The following SZT2 variants were observed in gnomAD, a reference collection of about 807,000 sequenced individuals.
The protein encoded by SZT2 is KICSTOR complex protein SZT2.
A neutral mutation model predicts 404.2 loss-of-function variants in SZT2; 216 were observed. That is an observed-to-expected ratio of 0.53 (90% CI 0.48 to 0.60). SZT2 has a LOEUF of 0.60. Ranked by LOEUF, SZT2 falls within the 20% of genes least tolerant of loss-of-function variation. The pLI is 0.00. For synonymous variants in SZT2, 1,693 were observed against 1,749.9 expected, an observed-to-expected ratio of 0.97 and a Z score of 0.81; for missense variants, 3,857 against 4,459.2, an observed-to-expected ratio of 0.86 and a Z score of 3.85.
chr1:43,397,301 C>G (rs1356441704), intron 1 of SZT2, among the ~76,000 whole-genome samples: 1 of 151,658 alleles, frequency 6.6e-6, no homozygotes, highest in African/African-American at 2.4e-5. Context: ...GTGGCACGTG[C>G]TTATAGTCCC....
intron 4 of SZT2, chr1:43,412,524 G>A (rs1477445089): frequency 6.6e-6 from 1 of 152,116 alleles, no homozygotes; most frequent in African/African-American, 2.4e-5. Flanking sequence ...GGGCTCAAGC[G>A]ATCTTCCCAT....
chr1:43,439,905 G>C lies in SZT2; in HGVS notation c.7067G>C (p.Arg2356Pro). 6.2e-7 allele frequency: 1 copy of C among 1,606,478 alleles called. No homozygotes were observed. Among genetic ancestry groups the C allele is most frequent in the East Asian group, 2.2e-5 (1 of 44,822 alleles). Reference protein sequence around the residue: ...SSAQNGAPRLRLDVWEKGNIS... With the variant: ...SSAQNGAPRLPLDVWEKGNIS... ...GCTCAGAATGGGGCCCCACGGCTTC[G>C]ATTGGATGTGTGGGAAAAGGGGAAC... The change falls in exon 51 of 72, where the codon CGA becomes CCA. Residue 2356 changes from arginine (R) to proline (P), a missense_variant. Coordinates refer to ENST00000634258, the MANE Select transcript of SZT2 (RefSeq NM_001365999.1). This position sits in a 1 kb window ranked among gnomAD's most constrained non-coding sequence, Gnocchi z 4.2.
Position 43,443,416 on chromosome 1 carries a change from T to C in SZT2, c.8564T>C (p.Leu2855Pro). The change falls in exon 61 of 72, where the codon CTC becomes CCC. Residue 2855 changes from leucine (L) to proline (P), a missense_variant. Physicochemically the swap from Leu to Pro is moderately conservative, Grantham distance 98. This residue lies in a region of SZT2 where 717 missense variants were observed against 868.2 expected (regional missense o/e 0.83). Transcript: ENST00000634258. ...RLVHYCATAM[L>P]FDPAAWLHGP... ...GTGCATTACTGTGCAACAGCCATGC[T>C]CTTCGACCCAGCTGCCTGGCTGCAT... is the stretch of plus-strand genomic sequence containing the variant. The C allele has an allele frequency of 6.2e-7, 1 of 1,614,122 alleles. No individual in the cohort carries two copies. Among genetic ancestry groups the C allele is most frequent in the African/African-American group, 1.3e-5 (1 of 75,028 alleles).
chr1:43,426,272 C>T lies in SZT2; in HGVS notation c.3044-96C>T. 13 of 1,493,544 alleles carry T rather than the reference C, an allele frequency of 8.7e-6. No individual in the cohort carries two copies. Among genetic ancestry groups the T allele is most frequent in the Non-Finnish European group, 9.9e-6 (11 of 1,113,782 alleles). 92.5% of individuals were successfully genotyped at this position (1,493,544 alleles called of 1,614,324 possible). On this transcript the variant is annotated intron_variant, in intron 21 of 71. Coordinates refer to ENST00000634258, the MANE Select transcript of SZT2 (RefSeq NM_001365999.1). This position sits in a 1 kb window ranked among gnomAD's most constrained non-coding sequence, Gnocchi z 4.9. ...GATGAGTGGTGGGGGCAGGAGGAGC[C>T]CATGAGGCTGAAGGAGGGGCCAGCT...
chr1:43,430,462 CCT>C, intron 31 of SZT2, 32 bp from the exon 32 acceptor site: 8 of 1,607,096 alleles, frequency 5.0e-6, no homozygotes, highest in Non-Finnish European at 6.8e-6. Flanking sequence ...CCACTGCCAG[CCT>C]CTCTCATTGA....
At chr1:43,430,866 G>A in intron 32 of SZT2, 77 bp downstream of exon 32, 2 of 1,582,102 alleles carry the variant, frequency 1.3e-6, no homozygotes, top group Non-Finnish European at 1.7e-6. Context: ...GGGAGCCTAG[G>A]GTTATGTCTT....
intron 2 of SZT2, 87 bp downstream of exon 2, chr1:43,403,389 G>GGGC: frequency 6.5e-7 from 1 of 1,530,394 alleles, no homozygotes; most frequent in South Asian, 1.3e-5. Context: ...CAGGGTGGGA[G>GGGC]ACTAACTCTT....
Position 43,442,350 on chromosome 1 carries a change from A to G in SZT2, c.7956A>G (p.Leu2652=). The G allele has an allele frequency of 1.2e-6, 2 of 1,614,020 alleles. No homozygotes were observed. The highest frequency in any genetic ancestry group is 1.7e-6 in the Non-Finnish European group (2 of 1,179,966). ...RNAPRQRLLL[L]EVVDKKLQLL... is the part of the protein sequence containing the mutation. Reference sequence around the variant, plus strand: ...CTCCCCGGCAGAGGCTCTTGCTACTAGAGGTTGTGGACAAGAAGGTAAATA... The same window carrying G: ...CTCCCCGGCAGAGGCTCTTGCTACTGGAGGTTGTGGACAAGAAGGTAAATA... Residue 2652 remains leucine, a synonymous_variant, in exon 57 of 72, where the codon CTA becomes CTG. Coordinates refer to ENST00000634258, the MANE Select transcript of SZT2 (RefSeq NM_001365999.1). This position sits in a 1 kb window ranked among gnomAD's most constrained non-coding sequence, Gnocchi z 4.5.
At chr1:43,397,740 G>C (rs1649174924) in intron 1 of SZT2, among the ~76,000 whole-genome samples, 1 of 152,028 alleles carries the variant, frequency 6.6e-6, no homozygotes. Flanking sequence ...CATTGGCCAG[G>C]CTGGTCTCGA....
Position 43,441,963 on chromosome 1 carries a change from C to T in SZT2, c.7743-37C>T, listed in dbSNP as rs1655103852. 1 of 1,597,796 alleles carries T rather than the reference C, an allele frequency of 6.3e-7. No homozygotes were observed. Among genetic ancestry groups the T allele is most frequent in the African/African-American group, 1.3e-5 (1 of 74,704 alleles). On this transcript the variant is annotated intron_variant, in intron 55 of 71. Transcript: ENST00000634258. This position sits in a 1 kb window ranked among gnomAD's most constrained non-coding sequence, Gnocchi z 4.8. ...TGAAGGCTAGGCCAGGGAGTGGTGT[C>T]ATGGATGGCCTTTCTGTCTGTCCTC...
chr1:43,440,881 A>C (rs1208266903), intron 52 of SZT2, among the ~76,000 whole-genome samples: 1 of 152,176 alleles, frequency 6.6e-6, no homozygotes, highest in Non-Finnish European at 1.5e-5. Flanking sequence ...AAAAAGCAAA[A>C]CAAAAACTGC....
rs771174830 is a variant in SZT2 at position 43,439,764 on chromosome 1, C to T, written c.7037C>T (p.Ser2346Phe). The T allele has an allele frequency of 3.8e-6, 6 of 1,587,358 alleles. No individual in the cohort carries two copies. Among genetic ancestry groups the T allele is most frequent in the Non-Finnish European group, 5.1e-6 (6 of 1,165,440 alleles). The change falls in exon 50 of 72, where the codon TCT (serine) becomes TTT (phenylalanine). Residue 2346 changes from serine (S) to phenylalanine (F), a missense_variant. Ser to Phe is a radical substitution (Grantham distance 155). Transcript: ENST00000634258. This position sits in a 1 kb window ranked among gnomAD's most constrained non-coding sequence, Gnocchi z 4.2. ...VIRCPVVVDS[S>F]SAQNGAPRLR... ...CGCTGCCCGGTTGTTGTGGACAGTT[C>T]TTCAGGTGGGACAGCTTGGTCAGAG... is the stretch of plus-strand genomic sequence containing the variant.
Position 43,440,061 on chromosome 1 carries a change from A to G in SZT2, c.7210+13A>G, listed in dbSNP as rs200015829. Reference sequence around the variant, plus strand: ...GACACACCCACAGGTATGCAAGTCAAGAGGTCCCTGGGGTCCAGAGAATGT... The same window carrying G: ...GACACACCCACAGGTATGCAAGTCAGGAGGTCCCTGGGGTCCAGAGAATGT... On this transcript the variant is annotated intron_variant, in intron 51 of 71. Coordinates refer to ENST00000634258, the MANE Select transcript of SZT2 (RefSeq NM_001365999.1). 4.3e-5 allele frequency: 70 copies of G among 1,613,730 alleles called. No individual in the cohort carries two copies. Among genetic ancestry groups the G allele is most frequent in the Admixed American group, 1.8e-4 (11 of 59,998 alleles).
chr1:43,414,370 A>G (rs1475011551), intron 4 of SZT2, among the ~76,000 whole-genome samples: 3 of 152,202 alleles, frequency 2.0e-5, no homozygotes, highest in African/African-American at 7.2e-5. Flanking sequence ...CTGTATCAAA[A>G]TATCTCATGT....
At position 43,441,871 on chromosome 1, in the gene SZT2, C is replaced by G; in HGVS notation, c.7742+53C>G. On this transcript the variant is annotated intron_variant, in intron 55 of 71. Coordinates refer to ENST00000634258, the MANE Select transcript of SZT2 (RefSeq NM_001365999.1). The surrounding 1 kb of genome is among the most constrained non-coding windows in gnomAD (Gnocchi z 4.8). The stretch of plus-strand genomic sequence containing the variant: ...GGAACTCCCCTAGACTTCCTAAAAG[C>G]TGGGCCTACAGGAAGCCAAACCTGA... The G allele has an allele frequency of 6.2e-7, 1 of 1,604,222 alleles. No homozygotes were observed. The highest frequency in any genetic ancestry group is 1.3e-5 in the African/African-American group (1 of 74,834).
At chr1:43,398,618 A>T (rs1006581566) in intron 1 of SZT2, among the ~76,000 whole-genome samples, 1 of 152,192 alleles carries the variant, frequency 6.6e-6, no homozygotes, top group African/African-American at 2.4e-5. Context: ...AAAACCAAGG[A>T]TCAGAGAAAG....
intron 61 of SZT2, 42 bp from the exon 62 acceptor site, chr1:43,443,555 G>T: frequency 1.2e-6 from 2 of 1,613,616 alleles, no homozygotes; most frequent in Non-Finnish European, 1.7e-6. Context: ...CAGCAGGATG[G>T]TTGACAGTGG....
In SZT2 at chr1:43,417,215, G is replaced by A. The variant is rs148771035; in HGVS notation, c.879+574G>A. On this transcript the variant is annotated intron_variant, in intron 7 of 71. Coordinates refer to ENST00000634258, the MANE Select transcript of SZT2 (RefSeq NM_001365999.1). Reference sequence around the variant, plus strand: ...TCACTCTTGCTGCTGGGTGAAGGACGGGGGAAGTCGGGGAGGCTACTAATT... The same window carrying A: ...TCACTCTTGCTGCTGGGTGAAGGACAGGGGAAGTCGGGGAGGCTACTAATT... 6.5e-3 allele frequency among the ~76,000 whole-genome samples: 994 copies of A among 152,290 alleles called. 9 individuals are homozygous for A. The highest frequency in any genetic ancestry group is 0.023 in the African/African-American group (940 of 41,560).
chr1:43,439,459 G>A lies in SZT2; in HGVS notation c.6877+17G>A, dbSNP rs1484516640. On this transcript the variant is annotated intron_variant, in intron 49 of 71. Transcript: ENST00000634258. This position sits in a 1 kb window ranked among gnomAD's most constrained non-coding sequence, Gnocchi z 4.2. ...GGGGCAAAGGTACGGTGCAGGGCACGGGCCTGTGGCACCACCAGGTGAGGG... is the reference window on the plus strand; with the variant it reads ...GGGGCAAAGGTACGGTGCAGGGCACAGGCCTGTGGCACCACCAGGTGAGGG... The A allele has an allele frequency of 1.0e-5, 16 of 1,602,944 alleles. No homozygotes were observed. The highest frequency in any genetic ancestry group is 1.2e-5 in the Non-Finnish European group (14 of 1,173,570).
Sources: allele counts gnomAD v4.1 joint callset (sites outside exome capture counted in the v4.1 genomes callset), GRCh38; gene constraint gnomAD v4.1.1; regional missense constraint gnomAD v4.1.1; non-coding constraint Gnocchi (gnomAD v3.1); transcripts MANE v1.5; gene names NCBI Gene and HGNC (gene_info 2026-07-23, HGNC 2026-07-21).